Variants in MBD2 observed in about 807,000 individuals in gnomAD.
MBD2 encodes methyl-CpG binding domain protein 2.
In MBD2, 9 loss-of-function variants were observed where a neutral mutation model predicts 39.3. The observed-to-expected ratio is 0.23, with a 90% CI of 0.14 to 0.40. The LOEUF (loss-of-function observed/expected upper bound fraction) is 0.40, where lower values mean the gene tolerates loss of function less well. Ranked by LOEUF, MBD2 falls within the 10% of genes least tolerant of loss-of-function variation. MBD2 has a pLI of 1.00. For missense variants in MBD2, 458 were observed against 532.6 expected, an observed-to-expected ratio of 0.86 and a Z score of 1.38; for synonymous variants, 233 against 211.1, an observed-to-expected ratio of 1.10 and a Z score of -0.90.
intron 2 of MBD2, among the ~76,000 whole-genome samples, chr18:54,192,626 G>A (rs941282403): frequency 3.9e-5 from 6 of 152,112 alleles, no homozygotes; most frequent in Non-Finnish European, 5.9e-5. Context: ...ATTTGCAACC[G>A]TCTGCATGAG....
intron 3 of MBD2, among the ~76,000 whole-genome samples, chr18:54,167,303 A>C (rs2086141412): frequency 6.6e-6 from 1 of 152,150 alleles, no homozygotes; most frequent in Admixed American, 6.5e-5. Flanking sequence ...ACAACCTTGG[A>C]CAAGGTCTAA....
intron 3 of MBD2, among the ~76,000 whole-genome samples, chr18:54,185,900 G>C (rs183549991): frequency 2.1e-3 from 324 of 152,096 alleles, no homozygotes; most frequent in Non-Finnish European, 2.2e-3. Flanking sequence ...TCTGTTTAAT[G>C]CTTTTCTTTT....
At position 54,215,812 on chromosome 18, in the gene MBD2, TG is replaced by T. The variant is rs1326228069; in HGVS notation, c.542+8205del. On this transcript the variant is annotated intron_variant, in intron 1 of 6. Transcript: ENST00000256429. Reference sequence around the variant, plus strand: ...CCCGGCCTTTTTTTTTTTGTTTGTTTGTTTCTGAGACAGAGTTTCGCTCTTG... The same window carrying T: ...CCCGGCCTTTTTTTTTTTGTTTGTTTTTTCTGAGACAGAGTTTCGCTCTTG... Among the ~76,000 whole-genome samples the T allele has an allele frequency of 4.7e-4, 71 of 151,204 alleles. 1 individual carries two copies. Among genetic ancestry groups the T allele is most frequent in the Admixed American group, 7.9e-4 (12 of 15,122 alleles).
chr18:54,220,862 C>T (rs572002524), intron 1 of MBD2, among the ~76,000 whole-genome samples: 2 of 152,330 alleles, frequency 1.3e-5, no homozygotes, highest in East Asian at 1.9e-4. Flanking sequence ...ACGCTACATA[C>T]ACCTTACTGA....
chr18:54,159,653 A>C (rs779165980), intron 6 of MBD2, 112 bp downstream of exon 6: 17 of 1,188,928 alleles, frequency 1.4e-5, no homozygotes, highest in African/African-American at 3.0e-5. Context: ...TACTGAGCTC[A>C]ACTGATCGCC....
At chr18:54,203,203 T>A (rs2086422702) in intron 2 of MBD2, 9 of 1,477,894 alleles carry the variant, frequency 6.1e-6, no homozygotes, top group African/African-American at 1.4e-5. Context: ...ACACTTAACA[T>A]AACTAAACTG....
chr18:54,209,024 G>A (rs2086477216), intron 1 of MBD2, among the ~76,000 whole-genome samples: 1 of 152,188 alleles, frequency 6.6e-6, no homozygotes, highest in African/African-American at 2.4e-5. Flanking sequence ...GCCAGGCACG[G>A]TGGCTCACAC....
rs139736944 is a variant in MBD2 at position 54,186,317 on chromosome 18, A to G, written c.840+2557T>C. Reference sequence around the variant, plus strand: ...CTCTCTAATAAAAATAACTTCTCCAATTGGAATATTTGGCAATTTATATTA... The same window carrying G: ...CTCTCTAATAAAAATAACTTCTCCAGTTGGAATATTTGGCAATTTATATTA... On this transcript the variant is annotated intron_variant, in intron 3 of 6. Coordinates refer to ENST00000256429, the MANE Select transcript of MBD2 (RefSeq NM_003927.5). Among the ~76,000 whole-genome samples, 329 of 152,308 alleles carry G rather than the reference A, an allele frequency of 2.2e-3. 2 individuals carry two copies. The highest frequency in any genetic ancestry group is 7.7e-3 in the African/African-American group (319 of 41,576).
chr18:54,202,974 G>A (rs760447181), intron 2 of MBD2: 1 of 988,268 alleles, frequency 1.0e-6, no homozygotes, highest in Non-Finnish European at 1.6e-6. Context: ...GCTGGGTCTT[G>A]GATGAGTAGG....
intron 2 of MBD2, among the ~76,000 whole-genome samples, chr18:54,203,422 C>G (rs2086424281): frequency 6.6e-6 from 1 of 152,110 alleles, no homozygotes; most frequent in Non-Finnish European, 1.5e-5. Flanking sequence ...ACACAAGGTC[C>G]TAACTTTTGC....
chr18:54,186,333 A>G (rs2086286379), intron 3 of MBD2, among the ~76,000 whole-genome samples: 1 of 152,198 alleles, frequency 6.6e-6, no homozygotes, highest in Non-Finnish European at 1.5e-5. Context: ...ATATTTGGCA[A>G]TTTATATTAT....
At position 54,218,138 on chromosome 18, in the gene MBD2, G is replaced by A. The variant is rs532307242; in HGVS notation, c.542+5880C>T. Reference sequence around the variant, plus strand: ...AGATTTTTAAAAAATTGATCTGTACGGTATATTTCAACTGTATCTCAAACC... The same window carrying A: ...AGATTTTTAAAAAATTGATCTGTACAGTATATTTCAACTGTATCTCAAACC... On this transcript the variant is annotated intron_variant, in intron 1 of 6. Transcript: ENST00000256429. 4.6e-5 allele frequency among the ~76,000 whole-genome samples: 7 copies of A among 152,162 alleles called. No homozygotes were observed. In the South Asian group the frequency reaches 1.2e-3, roughly 27 times the overall value.
At chr18:54,187,285 G>C (rs1380627966) in intron 3 of MBD2, among the ~76,000 whole-genome samples, 2 of 152,174 alleles carry the variant, frequency 1.3e-5, no homozygotes, top group African/African-American at 4.8e-5. Context: ...AACGTGGAAT[G>C]ATATTACTAA....
chr18:54,189,405 G>C (rs2086305072), intron 2 of MBD2, among the ~76,000 whole-genome samples: 1 of 151,684 alleles, frequency 6.6e-6, no homozygotes. Context: ...TGTATTTTCA[G>C]TAGAGACGGG....
At chr18:54,205,579 A>T (rs2086442884) in intron 1 of MBD2, among the ~76,000 whole-genome samples, 1 of 138,684 alleles carries the variant, frequency 7.2e-6, no homozygotes, top group Non-Finnish European at 1.6e-5. Flanking sequence ...CAACAAGAGC[A>T]AAACTCTATC....
chr18:54,173,174 T>G (rs958609046), intron 3 of MBD2, among the ~76,000 whole-genome samples: 5 of 152,162 alleles, frequency 3.3e-5, no homozygotes. Flanking sequence ...TATTTTAAAA[T>G]TATTCCTCTT....
At chr18:54,210,443 A>T (rs1465934285) in intron 1 of MBD2, among the ~76,000 whole-genome samples, 1 of 152,194 alleles carries the variant, frequency 6.6e-6, no homozygotes, top group Non-Finnish European at 1.5e-5. Flanking sequence ...CCAGTCTATG[A>T]CATAAAATTA....
intron 4 of MBD2, 72 bp from the exon 5 acceptor site, chr18:54,164,772 C>T: frequency 1.6e-6 from 2 of 1,224,430 alleles, no homozygotes; most frequent in Non-Finnish European, 2.3e-6. Flanking sequence ...TGACATAAAA[C>T]AACTGATATT....
At chr18:54,158,784 C>T (rs563394880) in intron 6 of MBD2, among the ~76,000 whole-genome samples, 19 of 152,174 alleles carry the variant, frequency 1.2e-4, no homozygotes, top group East Asian at 3.9e-4. Context: ...TATTCTACCA[C>T]GCCCAGCTAA....
Sources: allele counts gnomAD v4.1 joint callset (sites outside exome capture counted in the v4.1 genomes callset), GRCh38; gene constraint gnomAD v4.1.1; transcripts MANE v1.5; gene names NCBI Gene and HGNC (gene_info 2026-07-23, HGNC 2026-07-21).